Variants in MAP2K5 observed in about 807,000 individuals in gnomAD.
MAP2K5 encodes mitogen-activated protein kinase kinase 5.
A neutral mutation model predicts 83.1 loss-of-function variants in MAP2K5; 49 were observed. That is an observed-to-expected ratio of 0.59 (90% CI 0.47 to 0.75). MAP2K5 has a LOEUF of 0.75. Ranked by LOEUF, MAP2K5 falls within the 30% of genes least tolerant of loss-of-function variation. The pLI is 0.00. For synonymous variants in MAP2K5, 202 were observed against 191.8 expected (o/e 1.05, Z -0.44); for missense variants, 457 against 557.5 (o/e 0.82, Z 1.82).
chr15:67,689,523 G>A (rs1006603675), intron 13 of MAP2K5, among the ~76,000 whole-genome samples: 5 of 152,126 alleles, frequency 3.3e-5, no homozygotes, highest in South Asian at 2.1e-4. Flanking sequence ...AAACAGTCTT[G>A]TTGGAATGCA....
At chr15:67,776,328 G>A (rs1270209744) in intron 21 of MAP2K5, among the ~76,000 whole-genome samples, 1 of 151,800 alleles carries the variant, frequency 6.6e-6, no homozygotes, top group African/African-American at 2.4e-5. Flanking sequence ...TGCTGCCCCA[G>A]CTCTGTGAAC....
intron 13 of MAP2K5, among the ~76,000 whole-genome samples, chr15:67,683,327 A>G (rs2087869352): frequency 6.6e-6 from 1 of 152,208 alleles, no homozygotes; most frequent in Admixed American, 6.5e-5. Context: ...ATTTGCTTCA[A>G]ATTCTGCCAC....
intron 1 of MAP2K5, among the ~76,000 whole-genome samples, chr15:67,547,993 A>G (rs1280122172): frequency 6.6e-6 from 1 of 152,220 alleles, no homozygotes; most frequent in Non-Finnish European, 1.5e-5. Flanking sequence ...TTGTGTTCAC[A>G]TGATTCTCTC....
At chr15:67,596,805 T>A (rs1041457215) in intron 7 of MAP2K5, among the ~76,000 whole-genome samples, 2 of 152,230 alleles carry the variant, frequency 1.3e-5, no homozygotes, top group African/African-American at 4.8e-5. Context: ...TTCTTCCTCC[T>A]CCTTCACATC....
chr15:67,602,201 G>T (rs530701492), intron 8 of MAP2K5, among the ~76,000 whole-genome samples: 1 of 152,038 alleles, frequency 6.6e-6, no homozygotes, highest in African/African-American at 2.4e-5. Flanking sequence ...TCTTCCTTAC[G>T]ATCTGACTTA....
intron 8 of MAP2K5, among the ~76,000 whole-genome samples, chr15:67,615,576 A>G (rs1202117254): frequency 6.6e-6 from 1 of 152,218 alleles, no homozygotes; most frequent in Non-Finnish European, 1.5e-5. Flanking sequence ...ACAGAATACT[A>G]AAATTTCGAA....
At chr15:67,628,688 A>T in intron 8 of MAP2K5, 1 of 877,944 alleles carries the variant, frequency 1.1e-6, no homozygotes, top group East Asian at 2.4e-5. Context: ...GAATGGCCAC[A>T]ACGGTGAAGT....
intron 21 of MAP2K5, among the ~76,000 whole-genome samples, chr15:67,787,107 G>A (rs1436049205): frequency 6.6e-6 from 1 of 151,652 alleles, no homozygotes; most frequent in African/African-American, 2.4e-5. Context: ...CTTAAGCAGG[G>A]AAGTGGCTGT....
At chr15:67,800,857 A>G (rs541251341) in intron 21 of MAP2K5, among the ~76,000 whole-genome samples, 29 of 152,314 alleles carry the variant, frequency 1.9e-4, no homozygotes, top group Non-Finnish European at 3.5e-4. Flanking sequence ...CATGCTTGCC[A>G]TGTAAGAAGT....
At chr15:67,763,182 C>T (rs2089981488) in intron 19 of MAP2K5, among the ~76,000 whole-genome samples, 1 of 151,868 alleles carries the variant, frequency 6.6e-6, no homozygotes, top group African/African-American at 2.4e-5. Context: ...TCGCTTTCAC[C>T]CTGATGTTTT....
At chr15:67,609,923 G>A (rs1013986974) in intron 8 of MAP2K5, among the ~76,000 whole-genome samples, 1 of 152,116 alleles carries the variant, frequency 6.6e-6, no homozygotes, top group African/African-American at 2.4e-5. Flanking sequence ...AAGCTCTGGG[G>A]AAGGTGTAGA....
At chr15:67,590,776 A>G (rs1596610716) in intron 6 of MAP2K5, among the ~76,000 whole-genome samples, 1 of 151,936 alleles carries the variant, frequency 6.6e-6, no homozygotes, top group Non-Finnish European at 1.5e-5. Flanking sequence ...TGATGTATTT[A>G]TGATCTTAAT....
Position 67,573,795 on chromosome 15 carries a change from A to T in MAP2K5, c.253-6959A>T, listed in dbSNP as rs2084997073. On this transcript the variant is annotated intron_variant, in intron 3 of 21. Transcript: ENST00000178640. This position sits in a 1 kb window ranked among gnomAD's most constrained non-coding sequence, Gnocchi z 4.2. ...TTCTGAGTTTTGCTTTAAAGATAAT[A>T]TCTTTAAATAATAATATCTTCTTGT... Among the ~76,000 whole-genome samples the T allele has an allele frequency of 6.6e-6, 1 of 152,224 alleles. No homozygotes were observed. The highest frequency in any genetic ancestry group is 1.5e-5 in the Non-Finnish European group (1 of 68,040).
chr15:67,801,476 G>A lies in MAP2K5; in HGVS notation c.1243-5170G>A, dbSNP rs1300047041. ...GCAGAGCAGTCCTGTGGTCCAGAGA[G>A]CCACCAAATGTCTAGAGCAGCCACA... On this transcript the variant is annotated intron_variant, in intron 21 of 21. Transcript: ENST00000178640. The surrounding 1 kb of genome is among the most constrained non-coding windows in gnomAD (Gnocchi z 4.8). 1.3e-5 allele frequency among the ~76,000 whole-genome samples: 2 copies of A among 152,210 alleles called. No individual in the cohort carries two copies. The highest frequency in any genetic ancestry group is 2.9e-5 in the Non-Finnish European group (2 of 68,036).
intron 12 of MAP2K5, among the ~76,000 whole-genome samples, chr15:67,660,735 G>A (rs2087215641): frequency 6.6e-6 from 1 of 152,038 alleles, no homozygotes; most frequent in African/African-American, 2.4e-5. Context: ...CATACTCTGT[G>A]CACATGCAAG....
At chr15:67,643,096 T>C (rs755913836) in intron 9 of MAP2K5, among the ~76,000 whole-genome samples, 3 of 152,174 alleles carry the variant, frequency 2.0e-5, no homozygotes, top group Non-Finnish European at 4.4e-5. Context: ...GGGTAAAGCC[T>C]GCACCTTGGG....
chr15:67,575,368 G>A (rs548434999), intron 3 of MAP2K5, among the ~76,000 whole-genome samples: 140 of 152,096 alleles, frequency 9.2e-4, no homozygotes, highest in African/African-American at 3.1e-3. Context: ...TGGAGGTGGC[G>A]GGGCGGGGGA....
intron 9 of MAP2K5, among the ~76,000 whole-genome samples, chr15:67,641,257 C>T (rs183656735): frequency 6.6e-6 from 1 of 152,292 alleles, no homozygotes; most frequent in Non-Finnish European, 1.5e-5. Flanking sequence ...TGGGTTTCTG[C>T]TGCTTTTAAA....
At chr15:67,669,316 T>C (rs1384494484) in intron 13 of MAP2K5, among the ~76,000 whole-genome samples, 2 of 151,996 alleles carry the variant, frequency 1.3e-5, no homozygotes, top group Non-Finnish European at 2.9e-5. Context: ...GGGTTGTTAA[T>C]AATAGAAAAG....
Sources: allele counts gnomAD v4.1 joint callset (sites outside exome capture counted in the v4.1 genomes callset), GRCh38; gene constraint gnomAD v4.1.1; non-coding constraint Gnocchi (gnomAD v3.1); transcripts MANE v1.5; gene names NCBI Gene and HGNC (gene_info 2026-07-23, HGNC 2026-07-21).